The following KIF6 variants were observed in gnomAD, a reference collection of about 807,000 sequenced individuals.
The protein encoded by KIF6 is kinesin-like protein KIF6.
Under a neutral mutation model 112.7 loss-of-function variants are expected in KIF6, and 106 were observed. The ratio of observed to expected loss-of-function variants is 0.94; its 90% CI spans 0.80 to 1.11. KIF6 has a LOEUF of 1.11. Among genes scored for constraint, KIF6 ranks in the 50% least tolerant of loss-of-function variants. The pLI is 0.00. For missense variants in KIF6, 929 were observed against 964.0 expected, an observed-to-expected ratio of 0.96 and a Z score of 0.48; for synonymous variants, 339 against 339.9, an observed-to-expected ratio of 1.00 and a Z score of 0.03.
intron 4 of KIF6, among the ~76,000 whole-genome samples, chr6:39,638,328 AC>A (rs1281207917): frequency 4.6e-5 from 7 of 152,124 alleles, no homozygotes; most frequent in Non-Finnish European, 1.0e-4. Context: ...CTTTCTCAGA[AC>A]CAGGTTGACC....
chr6:39,420,553 C>CAGAG (rs1320958909), intron 14 of KIF6, among the ~76,000 whole-genome samples: 2 of 152,200 alleles, frequency 1.3e-5, no homozygotes, highest in African/African-American at 4.8e-5. Flanking sequence ...CTAGATGTGA[C>CAGAG]AGAGACTGCG....
intron 14 of KIF6, among the ~76,000 whole-genome samples, chr6:39,429,725 A>T (rs56126336): frequency 2.0e-5 from 3 of 152,208 alleles, no homozygotes; most frequent in South Asian, 2.1e-4. Flanking sequence ...TGGCTAACAC[A>T]GTGAAACCCC....
At chr6:39,714,860 C>T (rs1339062496) in intron 2 of KIF6, 94 bp from the exon 3 acceptor site, 2 of 817,002 alleles carry the variant, frequency 2.4e-6, no homozygotes, top group African/African-American at 3.4e-5. Context: ...TATTAATTAC[C>T]CCATATTTAC....
At chr6:39,610,228 A>G (rs1783142565) in intron 6 of KIF6, among the ~76,000 whole-genome samples, 1 of 152,300 alleles carries the variant, frequency 6.6e-6, no homozygotes, top group Admixed American at 6.5e-5. Context: ...CAGCAGTTCA[A>G]CTTAAAAAAA....
intron 13 of KIF6, among the ~76,000 whole-genome samples, chr6:39,531,310 G>A (rs1778047414): frequency 6.6e-6 from 1 of 152,102 alleles, no homozygotes; most frequent in South Asian, 2.1e-4. Flanking sequence ...GCAATATCAA[G>A]GGAGGAAAAG....
chr6:39,336,909 TTCCCTTTC>T (rs1762939587), intron 22 of KIF6, among the ~76,000 whole-genome samples: 2 of 148,944 alleles, frequency 1.3e-5, no homozygotes, highest in African/African-American at 5.1e-5. Flanking sequence ...CTTCCCTTTC[TTCCCTTTC>T]TTCCCTTTCT....
At chr6:39,500,510 C>T (rs571708358) in intron 13 of KIF6, among the ~76,000 whole-genome samples, 5 of 152,206 alleles carry the variant, frequency 3.3e-5, no homozygotes, top group African/African-American at 9.6e-5. Flanking sequence ...ATTGGAGGCA[C>T]ATTTTATTAA....
chr6:39,498,072 G>A (rs1775891834), intron 13 of KIF6, among the ~76,000 whole-genome samples: 1 of 152,156 alleles, frequency 6.6e-6, no homozygotes, highest in African/African-American at 2.4e-5. Context: ...TGGGGCCCAT[G>A]TTCACTAATT....
intron 13 of KIF6, among the ~76,000 whole-genome samples, chr6:39,431,762 G>A (rs569566485): frequency 1.3e-5 from 2 of 152,030 alleles, no homozygotes; most frequent in South Asian, 2.1e-4. Context: ...ATCCTGTATC[G>A]CCTTTGCCAA....
intron 10 of KIF6, among the ~76,000 whole-genome samples, chr6:39,562,956 G>T (rs991535045): frequency 2.0e-5 from 3 of 152,174 alleles, no homozygotes; most frequent in Non-Finnish European, 4.4e-5. Context: ...AGAGAAGAAA[G>T]GCTGGGTGTG....
At chr6:39,695,430 G>C (rs1199765505) in intron 3 of KIF6, among the ~76,000 whole-genome samples, 2 of 152,076 alleles carry the variant, frequency 1.3e-5, no homozygotes, top group Non-Finnish European at 2.9e-5. Context: ...CTAATATCCA[G>C]AATCTATAAG....
chr6:39,589,250 T>C (rs1485768476), intron 7 of KIF6, among the ~76,000 whole-genome samples: 1 of 152,256 alleles, frequency 6.6e-6, no homozygotes, highest in Non-Finnish European at 1.5e-5. Flanking sequence ...TTTTGTTTTC[T>C]CACAAGGGCC....
At chr6:39,460,472 T>C (rs1340462619) in intron 13 of KIF6, among the ~76,000 whole-genome samples, 1 of 124,532 alleles carries the variant, frequency 8.0e-6, no homozygotes, top group Non-Finnish European at 1.6e-5. Context: ...CATGTATACA[T>C]ATGTAACTAA....
intron 15 of KIF6, among the ~76,000 whole-genome samples, chr6:39,402,150 C>G (rs771623944): frequency 2.6e-5 from 4 of 152,104 alleles, no homozygotes; most frequent in Admixed American, 6.6e-5. Context: ...GCAGTGACAC[C>G]TCAGATAGGA....
At chr6:39,509,251 G>A (rs1356831443) in intron 13 of KIF6, among the ~76,000 whole-genome samples, 1 of 152,188 alleles carries the variant, frequency 6.6e-6, no homozygotes, top group Non-Finnish European at 1.5e-5. Flanking sequence ...ACCAAAGGTA[G>A]ATAAAACCAC....
chr6:39,639,775 C>T lies in KIF6; in HGVS notation c.252-18G>A, dbSNP rs11758109. On this transcript the variant is annotated intron_variant, in intron 3 of 22. Coordinates refer to ENST00000287152, the MANE Select transcript of KIF6 (RefSeq NM_145027.6). ...CCAGGACACTGCAATAAAGAAATGA[C>T]ACACTTTCAATATCAACATGGCTAA... The T allele has an allele frequency of 0.026, 41,485 of 1,602,552 alleles. 633 individuals are homozygous for T. Among genetic ancestry groups the T allele is most frequent in the Non-Finnish European group, 0.03 (34,929 of 1,174,936 alleles).
intron 4 of KIF6, among the ~76,000 whole-genome samples, chr6:39,638,714 T>C (rs1217008615): frequency 6.6e-6 from 1 of 152,094 alleles, no homozygotes; most frequent in Non-Finnish European, 1.5e-5. Flanking sequence ...ATTGACCTAG[T>C]TAAGACATGT....
intron 13 of KIF6, among the ~76,000 whole-genome samples, chr6:39,524,509 G>A (rs1377689612): frequency 1.3e-5 from 2 of 152,160 alleles, no homozygotes; most frequent in Non-Finnish European, 2.9e-5. Context: ...GCTGCGGGGA[G>A]CATGTTAGAG....
chr6:39,429,101 C>A (rs1205953108), intron 14 of KIF6, among the ~76,000 whole-genome samples: 5 of 152,230 alleles, frequency 3.3e-5, no homozygotes, highest in Non-Finnish European at 7.3e-5. Flanking sequence ...TACTCCCACT[C>A]CCTTCACTGG....
Sources: gnomAD v4.1 joint callset for allele counts (sites outside exome capture counted in the v4.1 genomes callset) on GRCh38, gnomAD v4.1.1 for gene constraint, MANE v1.5 for transcripts, NCBI Gene and HGNC (gene_info 2026-07-23, HGNC 2026-07-21) for gene names.